GALNT18: variants seen among roughly 807,000 people sequenced by gnomAD.
GALNT18 encodes the protein polypeptide N-acetylgalactosaminyltransferase 18.
A neutral mutation model predicts 69.5 loss-of-function variants in GALNT18; 44 were observed. The observed-to-expected ratio is 0.63, with a 90% CI of 0.50 to 0.81. The LOEUF (loss-of-function observed/expected upper bound fraction) is 0.81. GALNT18 is among the 40% of genes least tolerant of loss of function. The probability of loss-of-function intolerance (pLI) is 0.00; values close to 1 mark genes in which losing one functional copy is unlikely to be tolerated. For synonymous variants in GALNT18, 364 were observed against 318.2 expected (o/e 1.14, Z -1.53); for missense variants, 715 against 810.0 (o/e 0.88, Z 1.42).
At chr11:11,405,850 C>T (rs1854577295) in intron 3 of GALNT18, among the ~76,000 whole-genome samples, 1 of 152,198 alleles carries the variant, frequency 6.6e-6, no homozygotes. Context: ...GTGTGTGATC[C>T]TTCCATGCTA....
At chr11:11,419,619 A>AAAGAAAGAAAG (rs1342247674) in intron 3 of GALNT18, among the ~76,000 whole-genome samples, 2 of 128,356 alleles carry the variant, frequency 1.6e-5, no homozygotes, top group Non-Finnish European at 1.7e-5. Context: ...AAAAAAAAAA[A>AAAGAAAGAAAG]AAAGAAAGAA....
chr11:11,327,236 A>G (rs1426117968), intron 8 of GALNT18, 55 bp from the exon 9 acceptor site: 1 of 1,273,664 alleles, frequency 7.9e-7, no homozygotes, highest in Non-Finnish European at 1.1e-6. Context: ...GAGAGAGCAA[A>G]TGAATTAACT....
At chr11:11,566,426 G>A (rs1355627137) in intron 1 of GALNT18, among the ~76,000 whole-genome samples, 1 of 152,186 alleles carries the variant, frequency 6.6e-6, no homozygotes, top group Non-Finnish European at 1.5e-5. Flanking sequence ...CTCTGACTGA[G>A]GATTGTAAGT....
At chr11:11,576,381 G>A (rs1422423524) in intron 1 of GALNT18, among the ~76,000 whole-genome samples, 1 of 152,212 alleles carries the variant, frequency 6.6e-6, no homozygotes, top group Non-Finnish European at 1.5e-5. Flanking sequence ...TATAGTAATT[G>A]CCCCAAAGAG....
At chr11:11,363,541 G>T (rs987477245) in intron 6 of GALNT18, among the ~76,000 whole-genome samples, 3 of 152,118 alleles carry the variant, frequency 2.0e-5, no homozygotes, top group Non-Finnish European at 4.4e-5. Context: ...CTATGTTGTT[G>T]TCATTAAGAA....
chr11:11,480,138 C>A lies in GALNT18; in HGVS notation c.236-31202G>T, dbSNP rs1434886376. On this transcript the variant is annotated intron_variant, in intron 1 of 10. Transcript: ENST00000227756. The surrounding 1 kb of genome is among the most constrained non-coding windows in gnomAD (Gnocchi z 4.6). ...CCTTGAGCTTCAACTTCCTTTTATT[C>A]AATAACCTCCTATCTGAAACATCAT... 6.6e-6 allele frequency among the ~76,000 whole-genome samples: 1 copy of A among 152,070 alleles called. No homozygotes were observed. Among genetic ancestry groups the A allele is most frequent in the Non-Finnish European group, 1.5e-5 (1 of 68,012 alleles).
rs1419011653 is a variant in GALNT18, at chr11:11,444,426, C to T, written c.428+4318G>A. Among the ~76,000 whole-genome samples, 1 of 152,232 alleles carries T rather than the reference C, an allele frequency of 6.6e-6. No homozygotes were observed. Among genetic ancestry groups the T allele is most frequent in the Non-Finnish European group, 1.5e-5 (1 of 68,038 alleles). On this transcript the variant is annotated intron_variant, in intron 2 of 10. Coordinates refer to ENST00000227756, the MANE Select transcript of GALNT18 (RefSeq NM_198516.3). The surrounding 1 kb of genome is among the most constrained non-coding windows in gnomAD (Gnocchi z 4.4). ...CCAACCTCTGTCTGGGTTCCCATCT[C>T]AGTGTAAACTCCAGGAGATATCCGT...
intron 1 of GALNT18, among the ~76,000 whole-genome samples, chr11:11,486,077 G>A (rs771675848): frequency 1.4e-4 from 21 of 152,178 alleles, no homozygotes; most frequent in Non-Finnish European, 2.4e-4. Context: ...CTGGGAGTGC[G>A]TGGGAATCTA....
At position 11,446,649 on chromosome 11, in the gene GALNT18, C is replaced by T. The variant is rs553658308; in HGVS notation, c.428+2095G>A. 2.0e-5 allele frequency among the ~76,000 whole-genome samples: 3 copies of T among 152,312 alleles called. No homozygotes were observed. The South Asian group carries it at 6.2e-4, about 32-fold the overall frequency. The stretch of plus-strand genomic sequence containing the variant: ...CCCATCTCAGCACCTCCCCTGCTGC[C>T]ATCATGGTCCAGGCCACCACTGCCT... On this transcript the variant is annotated intron_variant, in intron 2 of 10. Transcript: ENST00000227756.
intron 9 of GALNT18, among the ~76,000 whole-genome samples, chr11:11,312,050 G>A (rs530893573): frequency 2.6e-5 from 4 of 152,292 alleles, no homozygotes; most frequent in South Asian, 4.2e-4. Context: ...TCTACCTCCC[G>A]GGTTCACGCC....
intron 9 of GALNT18, among the ~76,000 whole-genome samples, chr11:11,300,410 A>AAAAC (rs1849473259): frequency 6.6e-6 from 1 of 152,210 alleles, no homozygotes; most frequent in Non-Finnish European, 1.5e-5. Flanking sequence ...CATAAGGGAG[A>AAAAC]AAACAACGGA....
chr11:11,473,980 G>A (rs112643192), intron 1 of GALNT18, among the ~76,000 whole-genome samples: 1 of 152,292 alleles, frequency 6.6e-6, no homozygotes, highest in African/African-American at 2.4e-5. Flanking sequence ...CAGGAGAATG[G>A]CTTGAACCTG....
chr11:11,411,550 C>A (rs12291938), intron 3 of GALNT18, among the ~76,000 whole-genome samples: 1 of 152,278 alleles, frequency 6.6e-6, no homozygotes, highest in African/African-American at 2.4e-5. Flanking sequence ...CAGAACAGTG[C>A]CTGTTTTGGC....
At chr11:11,336,570 A>G (rs151081514) in intron 7 of GALNT18, among the ~76,000 whole-genome samples, 2 of 152,350 alleles carry the variant, frequency 1.3e-5, no homozygotes, top group African/African-American at 2.4e-5. Flanking sequence ...CTCCAGCTCC[A>G]TATTTGCAGC....
intron 3 of GALNT18, among the ~76,000 whole-genome samples, chr11:11,386,109 TG>T (rs1854050857): frequency 6.6e-6 from 1 of 152,182 alleles, no homozygotes. Flanking sequence ...TCCGGAAGTA[TG>T]AAACAATGTC....
At chr11:11,322,180 C>T (rs2133039740) in intron 9 of GALNT18, among the ~76,000 whole-genome samples, 1 of 152,248 alleles carries the variant, frequency 6.6e-6, no homozygotes. Flanking sequence ...CATTGTTAGT[C>T]CACATTTTAC....
rs549439740 is a variant in GALNT18 at position 11,532,331 on chromosome 11, A to G, written c.236-83395T>C. On this transcript the variant is annotated intron_variant, in intron 1 of 10. Transcript: ENST00000227756. ...CTAAAAACCAAGTAGACCATCGTTCATCTCTTTTTACAAGTAAGAAACCAG... is the reference window on the plus strand; with the variant it reads ...CTAAAAACCAAGTAGACCATCGTTCGTCTCTTTTTACAAGTAAGAAACCAG... Among the ~76,000 whole-genome samples the G allele has an allele frequency of 2.0e-5, 3 of 152,308 alleles. No individual in the cohort carries two copies. The South Asian group carries it at 6.2e-4, about 32-fold the overall frequency.
At chr11:11,458,628 A>T (rs913543801) in intron 1 of GALNT18, among the ~76,000 whole-genome samples, 2 of 152,236 alleles carry the variant, frequency 1.3e-5, no homozygotes, top group Non-Finnish European at 2.9e-5. Context: ...AGAGCATCAA[A>T]GCCCAGTTCA....
intron 1 of GALNT18, among the ~76,000 whole-genome samples, chr11:11,560,520 T>C (rs375840492): frequency 3.3e-4 from 50 of 152,024 alleles, no homozygotes; most frequent in African/African-American, 1.2e-3. Context: ...ATCAGACCAG[T>C]GTAAGCTCTC....
Sources: gnomAD v4.1 joint callset for allele counts (sites outside exome capture counted in the v4.1 genomes callset) on GRCh38, gnomAD v4.1.1 for gene constraint, Gnocchi (gnomAD v3.1) non-coding constraint, MANE v1.5 for transcripts, NCBI Gene and HGNC (gene_info 2026-07-23, HGNC 2026-07-21) for gene names.